The following DLG2 variants were observed in gnomAD, a reference collection of about 807,000 sequenced individuals.
DLG2 encodes discs large MAGUK scaffold protein 2.
In DLG2, 45 loss-of-function variants were observed where a neutral mutation model predicts 132.5. That is an observed-to-expected ratio of 0.34 (90% CI 0.27 to 0.44). DLG2 has a LOEUF of 0.44. DLG2 is among the 20% of genes least tolerant of loss of function. The pLI is 1.00. For synonymous variants in DLG2, 424 were observed against 419.6 expected (o/e 1.01, Z -0.13); for missense variants, 1,045 against 1,196.9 (o/e 0.87, Z 1.87).
At chr11:85,081,939 T>C (rs2067284546) in intron 6 of DLG2, among the ~76,000 whole-genome samples, 1 of 152,128 alleles carries the variant, frequency 6.6e-6, no homozygotes, top group Non-Finnish European at 1.5e-5. Context: ...AAGAAGAATC[T>C]AGACAAACAG....
chr11:85,007,391 TG>T (rs561258486), intron 6 of DLG2, among the ~76,000 whole-genome samples: 96 of 152,078 alleles, frequency 6.3e-4, no homozygotes, highest in Non-Finnish European at 7.2e-4. Context: ...CCGGGCGCAG[TG>T]GCTCACGCCT....
intron 6 of DLG2, among the ~76,000 whole-genome samples, chr11:84,853,207 C>T (rs371428574): frequency 4.3e-4 from 65 of 152,076 alleles, no homozygotes; most frequent in African/African-American, 1.5e-3. Flanking sequence ...ACCCTATTTG[C>T]TTCTTTGATA....
chr11:85,166,997 G>GTAGATTACT (rs1187855662), intron 4 of DLG2, among the ~76,000 whole-genome samples: 3 of 151,876 alleles, frequency 2.0e-5, no homozygotes, highest in Non-Finnish European at 4.4e-5. Context: ...TAACTGTTTG[G>GTAGATTACT]TAGATTACTT....
intron 6 of DLG2, among the ~76,000 whole-genome samples, chr11:84,586,750 C>T (rs369727100): frequency 6.6e-6 from 1 of 151,942 alleles, no homozygotes; most frequent in Non-Finnish European, 1.5e-5. Context: ...ACTAATTTGA[C>T]ATTTATACAC....
chr11:85,505,703 G>T (rs1181875851), intron 3 of DLG2, among the ~76,000 whole-genome samples: 1 of 152,158 alleles, frequency 6.6e-6, no homozygotes, highest in Non-Finnish European at 1.5e-5. Context: ...GTCTCTGCCA[G>T]GCTTTGGTAT....
intron 4 of DLG2, among the ~76,000 whole-genome samples, chr11:85,202,873 A>C (rs114379084): frequency 7.6e-4 from 115 of 152,006 alleles, no homozygotes; most frequent in African/African-American, 2.6e-3. Context: ...CTTTCATACC[A>C]AAAGCTATGG....
chr11:83,499,850 G>T (rs2094354586), intron 21 of DLG2, among the ~76,000 whole-genome samples: 2 of 58,764 alleles, frequency 3.4e-5, no homozygotes, highest in African/African-American at 6.2e-5. Flanking sequence ...CCACTAATAG[G>T]AGATATATAT....
At chr11:84,869,020 A>C (rs12417419) in intron 6 of DLG2, among the ~76,000 whole-genome samples, 1 of 152,208 alleles carries the variant, frequency 6.6e-6, no homozygotes, top group Non-Finnish European at 1.5e-5. Context: ...AAAATTTTAC[A>C]TATCTCTAAC....
intron 9 of DLG2, among the ~76,000 whole-genome samples, chr11:84,149,290 C>A (rs2095210286): frequency 6.6e-6 from 1 of 152,004 alleles, no homozygotes; most frequent in Non-Finnish European, 1.5e-5. Context: ...AAATTCTTTG[C>A]CAATGCCAAT....
At chr11:83,856,401 T>C (rs1024166423) in intron 16 of DLG2, among the ~76,000 whole-genome samples, 1 of 152,204 alleles carries the variant, frequency 6.6e-6, no homozygotes, top group African/African-American at 2.4e-5. Context: ...CTCTGAGGAA[T>C]TGCCACACTG....
At chr11:84,483,412 C>A (rs980680438) in intron 7 of DLG2, among the ~76,000 whole-genome samples, 7 of 131,712 alleles carry the variant, frequency 5.3e-5, no homozygotes, top group Non-Finnish European at 9.3e-5. Flanking sequence ...GCCTGTGCAA[C>A]AGAGCCAGAC....
intron 6 of DLG2, among the ~76,000 whole-genome samples, chr11:84,734,354 A>G (rs973235026): frequency 6.6e-6 from 1 of 152,112 alleles, no homozygotes; most frequent in Non-Finnish European, 1.5e-5. Flanking sequence ...GTTCCTTCAC[A>G]TCCCTTGTAA....
At chr11:84,893,249 T>C (rs2089695210) in intron 6 of DLG2, among the ~76,000 whole-genome samples, 1 of 152,164 alleles carries the variant, frequency 6.6e-6, no homozygotes, top group African/African-American at 2.4e-5. Context: ...ATCTGGTGCC[T>C]AAGCACCACC....
chr11:84,455,760 A>C (rs1179389615), intron 7 of DLG2, among the ~76,000 whole-genome samples: 1 of 151,436 alleles, frequency 6.6e-6, no homozygotes, highest in Non-Finnish European at 1.5e-5. Flanking sequence ...AGGGCTTAAC[A>C]GCAAATCCAA....
intron 6 of DLG2, among the ~76,000 whole-genome samples, chr11:84,544,011 T>A (rs76273960): frequency 6.6e-6 from 1 of 152,336 alleles, no homozygotes; most frequent in African/African-American, 2.4e-5. Context: ...CCAGGAAGGA[T>A]GCTTCATGAA....
chr11:84,967,205 A>C (rs1373163953), intron 6 of DLG2, among the ~76,000 whole-genome samples: 1 of 152,128 alleles, frequency 6.6e-6, no homozygotes, highest in Non-Finnish European at 1.5e-5. Context: ...CTTGAGCCAT[A>C]CTTGGTTTTT....
At chr11:84,307,602 A>ATGGCGTGAACCC in intron 7 of DLG2, among the ~76,000 whole-genome samples, 1 of 150,314 alleles carries the variant, frequency 6.7e-6, no homozygotes. Flanking sequence ...GCCCTGAGGC[A>ATGGCGTGAACCC]GGAGAATGGC....
intron 6 of DLG2, among the ~76,000 whole-genome samples, chr11:84,675,762 C>CA (rs753180585): frequency 6.6e-6 from 1 of 152,090 alleles, no homozygotes; most frequent in Non-Finnish European, 1.5e-5. Context: ...CTTCTCATCC[C>CA]TTTTACACCG....
rs774712476 is a variant in DLG2, at chr11:83,472,766, C to A, written c.2305G>T (p.Asp769Tyr). 6.2e-7 allele frequency: 1 copy of A among 1,612,058 alleles called. No homozygotes were observed. Among genetic ancestry groups the A allele is most frequent in the Non-Finnish European group, 8.5e-7 (1 of 1,178,828 alleles). Residue 769 changes from aspartate (D) to tyrosine (Y), a missense_variant, in exon 23 of 28, where the codon GAC becomes TAC. Transcript: ENST00000376104. ...ACAGGCTCATAGGAAAGAATGAGGT[C>A]TTCTTGTCCTCCTGAGAAGAGAAGG... ...ETSDPERGQE[D>Y]LILSYEPVTR...
Sources: allele counts gnomAD v4.1 joint callset (sites outside exome capture counted in the v4.1 genomes callset), GRCh38; gene constraint gnomAD v4.1.1; transcripts MANE v1.5; gene names NCBI Gene and HGNC (gene_info 2026-07-23, HGNC 2026-07-21).